JADE3: variants seen among roughly 807,000 people sequenced by gnomAD.
JADE3 encodes protein Jade-3.
JADE3 carries 2 observed loss-of-function variants against 50.1 expected under a neutral mutation model. The observed-to-expected ratio is 0.04, with a 90% CI of 0.02 to 0.13. The LOEUF (loss-of-function observed/expected upper bound fraction) is 0.13. Among genes scored for constraint, JADE3 ranks in the 10% least tolerant of loss-of-function variants. The pLI is 1.00. For missense variants in JADE3, 475 were observed against 634.4 expected, an observed-to-expected ratio of 0.75 and a Z score of 2.70; for synonymous variants, 218 against 232.9, an observed-to-expected ratio of 0.94 and a Z score of 0.58.
chrX:46,998,999 GTC>G (rs1470124911), intron 4 of JADE3, among the ~76,000 whole-genome samples: 1 of 111,219 alleles, frequency 9.0e-6, no homozygotes, highest in Non-Finnish European at 1.9e-5. Flanking sequence ...GCCTGGCCGA[GTC>G]TGTATAATTT....
intron 4 of JADE3, among the ~76,000 whole-genome samples, chrX:47,002,680 A>T (rs1408942416): frequency 1.2e-3 from 88 of 75,662 alleles, no homozygotes; most frequent in Middle Eastern, 5.8e-3. Flanking sequence ...AGTTTTATTT[A>T]AAAAAAAAAA....
chrX:47,005,995 C>T (rs1229506579), intron 4 of JADE3, among the ~76,000 whole-genome samples: 3 of 111,404 alleles, frequency 2.7e-5, no homozygotes, highest in Non-Finnish European at 5.7e-5. Flanking sequence ...TCTCATAATG[C>T]CCCAAATGTC....
intron 4 of JADE3, among the ~76,000 whole-genome samples, chrX:47,012,117 T>G (rs1928575299): frequency 8.9e-6 from 1 of 112,238 alleles, no homozygotes; most frequent in Non-Finnish European, 1.9e-5. Context: ...GAGAAATTAT[T>G]CAGATCCTTA....
At chrX:47,005,519 G>A (rs1373202993) in intron 4 of JADE3, among the ~76,000 whole-genome samples, 1 of 112,136 alleles carries the variant, frequency 8.9e-6, no homozygotes, top group Non-Finnish European at 1.9e-5. Context: ...GGGATTACAG[G>A]TGTCAATCAC....
At chrX:46,991,054 CTCCCTCACT>C (rs1927984656) in intron 3 of JADE3, among the ~76,000 whole-genome samples, 2 of 10,150 alleles carry the variant, frequency 2.0e-4, no homozygotes, top group Non-Finnish European at 3.0e-4. Flanking sequence ...CCCTCCCTCC[CTCCCTCACT>C]CCCTCCCTCC....
intron 1 of JADE3, among the ~76,000 whole-genome samples, chrX:46,951,147 C>T (rs1310124266): frequency 1.9e-5 from 2 of 106,847 alleles, no homozygotes; most frequent in East Asian, 6.0e-4. Context: ...GGCACAGTCT[C>T]GGCTCACTGC....
chrX:46,997,348 CA>C (rs1282227209), intron 3 of JADE3, among the ~76,000 whole-genome samples: 10 of 104,110 alleles, frequency 9.6e-5, no homozygotes, highest in East Asian at 2.9e-4. Context: ...ACAAAAATTA[CA>C]AAAAAAAAAA....
chrX:46,923,745 A>G (rs1926295469), intron 1 of JADE3, among the ~76,000 whole-genome samples: 1 of 110,226 alleles, frequency 9.1e-6, no homozygotes, highest in Admixed American at 9.7e-5. Flanking sequence ...TTCTCTAGTG[A>G]TACATTCATT....
chrX:47,041,380 G>A (rs1556369616), intron 8 of JADE3, among the ~76,000 whole-genome samples: 2 of 110,661 alleles, frequency 1.8e-5, no homozygotes, highest in African/African-American at 6.6e-5. Flanking sequence ...TGTGGTCACT[G>A]TAGTTTCCCC....
chrX:47,038,817 A>G, intron 7 of JADE3, 132 bp from the exon 8 acceptor site: 1 of 463,672 alleles, frequency 2.2e-6, no homozygotes, highest in East Asian at 3.5e-5. Context: ...TTGATTCCAT[A>G]TTAACCTTAA....
chrX:46,949,960 T>C (rs1177163066), intron 1 of JADE3, among the ~76,000 whole-genome samples: 2 of 111,756 alleles, frequency 1.8e-5, no homozygotes, highest in Admixed American at 9.6e-5. Flanking sequence ...CCAAATGCCC[T>C]CCAGTAAGTA....
chrX:46,917,939 G>A (rs979823588), intron 1 of JADE3, among the ~76,000 whole-genome samples: 1 of 106,684 alleles, frequency 9.4e-6, no homozygotes, highest in Non-Finnish European at 1.9e-5. Flanking sequence ...GAAGCATATA[G>A]TGAGGCCTAA....
At chrX:46,949,274 G>T (rs1473296980) in intron 1 of JADE3, among the ~76,000 whole-genome samples, 1 of 111,654 alleles carries the variant, frequency 9.0e-6, no homozygotes, top group Non-Finnish European at 1.9e-5. Flanking sequence ...TTTCTGGGTT[G>T]TTTCTAGCTT....
At chrX:47,053,044 A>G (rs1929553140) in intron 8 of JADE3, among the ~76,000 whole-genome samples, 1 of 110,520 alleles carries the variant, frequency 9.0e-6, no homozygotes, top group Non-Finnish European at 1.9e-5. Flanking sequence ...TGACAAAGTG[A>G]GACACCGTCT....
intron 1 of JADE3, among the ~76,000 whole-genome samples, chrX:46,934,643 C>G (rs1018283993): frequency 5.4e-4 from 58 of 107,872 alleles, no homozygotes; most frequent in African/African-American, 1.9e-3. Context: ...CCATGTTGGC[C>G]AGGCTGGTCT....
Position 46,937,161 on chromosome X carries a change from A to C in JADE3, c.-12+24442A>C, listed in dbSNP as rs781843507. Among the ~76,000 whole-genome samples the C allele has an allele frequency of 9.8e-5, 11 of 111,717 alleles. No individual in the cohort carries two copies. In the East Asian group the frequency reaches 3.1e-3, roughly 31 times the overall value. ...TTTCTTGAGTTCAAAATATTTTATA[A>C]TTTATCTTGAAAGTTTCTCTTTGAT... On this transcript the variant is annotated intron_variant, in intron 1 of 10. Transcript: ENST00000614628.
intron 8 of JADE3, among the ~76,000 whole-genome samples, chrX:47,043,474 A>G (rs1929307449): frequency 8.9e-6 from 1 of 112,533 alleles, no homozygotes; most frequent in African/African-American, 3.2e-5. Flanking sequence ...CCAAGATAAC[A>G]CAGAGAAGGA....
At chrX:46,930,053 C>T (rs1200113132) in intron 1 of JADE3, among the ~76,000 whole-genome samples, 1 of 112,367 alleles carries the variant, frequency 8.9e-6, no homozygotes. Flanking sequence ...ATCCTTGCAA[C>T]AAGAGGTGGA....
Position 47,038,870 on chromosome X carries a change from G to T in JADE3, c.856-79G>T. 5.7e-6 allele frequency: 3 copies of T among 529,749 alleles called. No individual in the cohort carries two copies. In the South Asian group the frequency reaches 8.7e-5, roughly 15 times the overall value. 43.7% of individuals were successfully genotyped at this position (529,749 alleles called of 1,213,427 possible). ...ATTGTTTTGATGTTCTTAGCTTTAT[G>T]TAACATCGTTTATGGTTTGTGAAAG... On this transcript the variant is annotated intron_variant, in intron 7 of 10. Coordinates refer to ENST00000614628, the MANE Select transcript of JADE3 (RefSeq NM_014735.5).
Sources: allele counts gnomAD v4.1 joint callset (sites outside exome capture counted in the v4.1 genomes callset), GRCh38; gene constraint gnomAD v4.1.1; transcripts MANE v1.5; gene names NCBI Gene and HGNC (gene_info 2026-07-23, HGNC 2026-07-21).